Variants in CEP131 observed in about 807,000 individuals in gnomAD.
CEP131 encodes the protein centrosomal protein 131, also known as centrosomal protein of 131 kDa.
Under a neutral mutation model 136.8 loss-of-function variants are expected in CEP131, and 99 were observed. The observed-to-expected ratio is 0.72, with a 90% CI of 0.62 to 0.86. CEP131 has a LOEUF of 0.86. Among genes scored for constraint, CEP131 ranks in the 40% least tolerant of loss-of-function variants. The probability of loss-of-function intolerance (pLI) is 0.00; values close to 1 mark genes in which losing one functional copy is unlikely to be tolerated. For missense variants in CEP131, 1,459 were observed against 1,463.0 expected (o/e 1.00, Z 0.04); for synonymous variants, 646 against 612.7 (o/e 1.05, Z -0.80).
At chr17:81,199,669 G>A (rs143673290) in intron 9 of CEP131, 50 bp downstream of exon 9, 52,631 of 1,600,102 alleles carry the variant, frequency 0.033, 1,009 homozygotes, top group Middle Eastern at 0.041. Flanking sequence ...AGCCCCGCAC[G>A]GTCAGGCCTG....
In CEP131 at chr17:81,215,994, G is replaced by A. The variant is rs185121380; in HGVS notation, c.177+3886C>T. Among the ~76,000 whole-genome samples, 4 of 152,238 alleles carry A rather than the reference G, an allele frequency of 2.6e-5. No homozygotes were observed. Among genetic ancestry groups the A allele is most frequent in the Admixed American group, 2.0e-4 (3 of 15,292 alleles). ...TAATCCCAGCACTTTGGGAGGCCGA[G>A]GTGGGAGGATCGCTTCAGCCCAGGA... On this transcript the variant is annotated intron_variant, in intron 2 of 25. Transcript: ENST00000450824. The surrounding 1 kb of genome is among the most constrained non-coding windows in gnomAD (Gnocchi z 4.1).
rs780940898 is a variant in CEP131, at chr17:81,190,914, G to T, written c.2936C>A (p.Ala979Glu). Residue 979 changes from alanine to glutamate, a missense_variant, in exon 23 of 26, where the codon GCG (alanine) becomes GAG (glutamate). This residue lies in a region of CEP131 where 1,026 missense variants were observed against 964.2 expected (regional missense o/e 1.06). Coordinates refer to ENST00000450824, the MANE Select transcript of CEP131 (RefSeq NM_014984.4). ...TGACACCCGCCCACTCACCGCCTGCGCATCCTCCAGCGCCCGCTCCTTCTG... is the reference window on the plus strand; with the variant it reads ...TGACACCCGCCCACTCACCGCCTGCTCATCCTCCAGCGCCCGCTCCTTCTG... ...VRQKERALED[A>E]QAVNEQLSSE... 1 of 1,602,868 alleles carries T rather than the reference G, an allele frequency of 6.2e-7. No individual in the cohort carries two copies. Among genetic ancestry groups the T allele is most frequent in the African/African-American group, 1.3e-5 (1 of 74,988 alleles).
chr17:81,192,685 G>GGGGGGGGCCCCCC, intron 19 of CEP131, 51 bp downstream of exon 19: 2 of 478,430 alleles, frequency 4.2e-6, no homozygotes, highest in Non-Finnish European at 8.1e-6. Flanking sequence ...GGGGGGAGGG[G>GGGGGGGGCCCCCC]TCAGCCAGCG....
Position 81,191,262 on chromosome 17 carries a change from A to G in CEP131, c.2696T>C (p.Leu899Pro). 1 of 1,613,498 alleles carries G rather than the reference A, an allele frequency of 6.2e-7. No individual in the cohort carries two copies. The highest frequency in any genetic ancestry group is 2.2e-5 in the East Asian group (1 of 44,866). The change falls in exon 22 of 26, where the codon CTG becomes CCG. Residue 899 changes from leucine (L) to proline (P), a missense_variant. Leu to Pro is a moderately conservative substitution (Grantham distance 98). Around this residue, in one of 3 missense-constraint regions of CEP131, gnomAD observed 1,026 missense variants for 964.2 expected, o/e 1.06. Transcript: ENST00000450824. The stretch of plus-strand genomic sequence containing the variant: ...GTCGGCCTCCAGCCGGTGAATGACC[A>G]GCTCAATCTCCTTGTCCCGGCCTTT... The part of the protein sequence containing the change: ...IRKGRDKEIE[L>P]VIHRLEADMA...
chr17:81,191,975 GC>G (rs2061650553), intron 21 of CEP131, among the ~76,000 whole-genome samples: 1 of 152,118 alleles, frequency 6.6e-6, no homozygotes, highest in African/African-American at 2.4e-5. Context: ...TAAGGGGGGA[GC>G]CCCTGTTGTG....
At chr17:81,206,022 G>C (rs1598301197) in intron 5 of CEP131, among the ~76,000 whole-genome samples, 1 of 152,280 alleles carries the variant, frequency 6.6e-6, no homozygotes, top group African/African-American at 2.4e-5. Flanking sequence ...CGGCCAACAT[G>C]GTGAAACCCT....
chr17:81,220,720 C>T (rs1319403979), intron 1 of CEP131, among the ~76,000 whole-genome samples: 1 of 151,960 alleles, frequency 6.6e-6, no homozygotes, highest in Non-Finnish European at 1.5e-5. Flanking sequence ...AGGCTGGTCT[C>T]GAACTCCTGA....
intron 15 of CEP131, among the ~76,000 whole-genome samples, chr17:81,196,287 A>C (rs1454719604): frequency 6.6e-6 from 1 of 152,174 alleles, no homozygotes; most frequent in African/African-American, 2.4e-5. Context: ...ACTGTCTGCC[A>C]AAGGGTGTCA....
chr17:81,207,935 C>CACCA (rs1175368909), intron 3 of CEP131, among the ~76,000 whole-genome samples: 2 of 25,760 alleles, frequency 7.8e-5, no homozygotes, highest in African/African-American at 1.3e-4. Flanking sequence ...ACACCACACA[C>CACCA]CATACACCAC....
At position 81,222,890 on chromosome 17, in the gene CEP131, C is replaced by T. The variant is rs2062419579; in HGVS notation, c.-139G>A. On this transcript the variant is annotated 5_prime_UTR_variant, in exon 1 of 26. Transcript: ENST00000450824. The stretch of plus-strand genomic sequence containing the variant: ...ACCTCGGGTCGGCGACCTGGCGCCC[C>T]GCCACCCCCAACACTGCCCCGAGGC... 6.6e-6 allele frequency: 1 copy of T among 152,244 alleles called. No homozygotes were observed. The highest frequency in any genetic ancestry group is 1.5e-5 in the Non-Finnish European group (1 of 68,048). The allele number at this position is 152,244 out of a possible 1,614,324, so 9.4% of individuals were successfully genotyped here.
intron 11 of CEP131, 32 bp from the exon 12 acceptor site, chr17:81,198,329 G>A (rs2061814357): frequency 1.3e-6 from 2 of 1,552,272 alleles, no homozygotes; most frequent in Non-Finnish European, 1.7e-6. Flanking sequence ...GATGCAGCAA[G>A]GCTGCTGGTA....
intron 7 of CEP131, among the ~76,000 whole-genome samples, chr17:81,201,864 G>A (rs1272419381): frequency 6.6e-6 from 1 of 152,186 alleles, no homozygotes. Flanking sequence ...CACTTTGGGA[G>A]GCGGAGGCGG....
rs2061945741 is a variant in CEP131 at position 81,203,738 on chromosome 17, G to A, written c.516-131C>T. On this transcript the variant is annotated intron_variant, in intron 5 of 25. Coordinates refer to ENST00000450824, the MANE Select transcript of CEP131 (RefSeq NM_014984.4). The surrounding 1 kb of genome is among the most constrained non-coding windows in gnomAD (Gnocchi z 4.6). ...GTGCTTGCTACGTGCTGGCAGCATT[G>A]TCGTCCAGTGTCCCCAGGCCCCTTC... The A allele has an allele frequency of 1.5e-6, 1 of 673,176 alleles. No individual in the cohort carries two copies. The highest frequency in any genetic ancestry group is 1.8e-5 in the South Asian group (1 of 54,234). 41.7% of individuals were successfully genotyped at this position (673,176 alleles called of 1,614,324 possible).
At position 81,192,371 on chromosome 17, in the gene CEP131, G is replaced by A; in HGVS notation, c.2569C>T (p.Gln857Ter). ...RHQMELNTLK[Q>*]QLELERQAWE... is the part of the protein sequence containing the mutation. ...GCCTGCCTCTCCAGCTCCAGCTGCT[G>A]CTTCAGGGTATTCAGCTCCATCTGG... Residue 857 changes from glutamine (Q) to a stop codon, truncating the protein, a stop_gained, in exon 21 of 26, where the codon CAG (glutamine) becomes TAG (stop). Transcript: ENST00000450824. LOFTEE classifies it high-confidence loss of function. 1 of 1,600,090 alleles carries A rather than the reference G, an allele frequency of 6.2e-7. No individual in the cohort carries two copies. Among genetic ancestry groups the A allele is most frequent in the South Asian group, 1.1e-5 (1 of 89,102 alleles).
intron 6 of CEP131, among the ~76,000 whole-genome samples, chr17:81,202,960 A>C (rs1262090905): frequency 2.4e-5 from 3 of 125,658 alleles, no homozygotes; most frequent in Admixed American, 7.5e-5. Flanking sequence ...ATGAAACTCC[A>C]TTTCAAAAAA....
rs1045978110 is a variant in CEP131, at chr17:81,192,651, G to A, written c.2430-58C>T. On this transcript the variant is annotated intron_variant, in intron 19 of 25. Coordinates refer to ENST00000450824, the MANE Select transcript of CEP131 (RefSeq NM_014984.4). Reference sequence around the variant, plus strand: ...TCATCGAGTAAGGAGTCAGGGATGGGAGAGGTCAGCGGGTGAGGGGGCGGG... The same window carrying A: ...TCATCGAGTAAGGAGTCAGGGATGGAAGAGGTCAGCGGGTGAGGGGGCGGG... 4 of 1,374,218 alleles carry A rather than the reference G, an allele frequency of 2.9e-6. No homozygotes were observed. In the African/African-American group the frequency reaches 4.3e-5, roughly 15 times the overall value. The allele number at this position is 1,374,218 out of a possible 1,614,324, so 85.1% of individuals were successfully genotyped here. A position where few individuals can be genotyped will look rare whatever the true frequency, so the allele number is the denominator to read the frequency against.
At position 81,208,578 on chromosome 17, in the gene CEP131, G is replaced by C. The variant is rs1012575816; in HGVS notation, c.272+350C>G. Among the ~76,000 whole-genome samples the C allele has an allele frequency of 5.9e-5, 9 of 152,226 alleles. No individual in the cohort carries two copies. On this transcript the variant is annotated intron_variant, in intron 3 of 25. Transcript: ENST00000450824. The surrounding 1 kb of genome is among the most constrained non-coding windows in gnomAD (Gnocchi z 5.6). ...GCGCACAGCGTGGGGGTTCAGAAGG[G>C]TCACAGTGCTGCCCCTCTCGCAAAT...
At chr17:81,189,884 A>C (rs2061600205) in intron 25 of CEP131, 31 bp downstream of exon 25, 1 of 1,612,480 alleles carries the variant, frequency 6.2e-7, no homozygotes, top group Non-Finnish European at 8.5e-7. Context: ...CCCAGCCCCG[A>C]GGTCCAGCAG....
Position 81,198,912 on chromosome 17 carries a change from G to C in CEP131, c.1252C>G (p.Pro418Ala). 1 of 1,593,296 alleles carries C rather than the reference G, an allele frequency of 6.3e-7. No homozygotes were observed. Among genetic ancestry groups the C allele is most frequent in the Non-Finnish European group, 8.5e-7 (1 of 1,170,998 alleles). The change falls in exon 11 of 26, where the codon CCA becomes GCA. Residue 418 changes from proline to alanine, a missense_variant. Pro to Ala is a conservative substitution (Grantham distance 27, BLOSUM62 -1). Transcript: ENST00000450824. ...TCCTCTGGAGGCTGCTGTGGTTCTG[G>C]GGATGAGTCGGAGGTGGGCAGGCAG... ...DRCLPTSDSS[P>A]EPQQPPEDRT...
Sources: gnomAD v4.1 joint callset for allele counts (sites outside exome capture counted in the v4.1 genomes callset) on GRCh38, gnomAD v4.1.1 for gene constraint, gnomAD v4.1.1 regional missense constraint, Gnocchi (gnomAD v3.1) non-coding constraint, MANE v1.5 for transcripts, NCBI Gene and HGNC (gene_info 2026-07-23, HGNC 2026-07-21) for gene names.